ELAVL2: variants seen among roughly 807,000 people sequenced by gnomAD.
The protein encoded by ELAVL2 is ELAV-like protein 2.
ELAVL2 carries 4 observed loss-of-function variants against 34.6 expected under a neutral mutation model. The observed-to-expected ratio is 0.12, with a 90% CI of 0.06 to 0.26. The LOEUF (loss-of-function observed/expected upper bound fraction) is 0.26. Among genes scored for constraint, ELAVL2 ranks in the 10% least tolerant of loss-of-function variants. The pLI is 1.00. For missense variants in ELAVL2, 432 were observed against 442.8 expected, an observed-to-expected ratio of 0.98 and a Z score of 0.22; for synonymous variants, 193 against 154.8, an observed-to-expected ratio of 1.25 and a Z score of -1.83.
chr9:23,750,542 T>C (rs2051690534), intron 2 of ELAVL2, among the ~76,000 whole-genome samples: 1 of 152,086 alleles, frequency 6.6e-6, no homozygotes, highest in Non-Finnish European at 1.5e-5. Flanking sequence ...CACCATATAA[T>C]GGCAAAATCA....
At chr9:23,758,060 C>T (rs769218902) in intron 2 of ELAVL2, among the ~76,000 whole-genome samples, 28 of 152,178 alleles carry the variant, frequency 1.8e-4, no homozygotes, top group Non-Finnish European at 3.5e-4. Flanking sequence ...ACCCAATTAA[C>T]GCACATGCTC....
the ELAVL2 span, among the ~76,000 whole-genome samples, chr9:23,843,460 CAAATTTTGTTCTGA>C: frequency 6.6e-6 from 1 of 152,006 alleles, no homozygotes; most frequent in Non-Finnish European, 1.5e-5. Context: ...GTTTAAGAAA[CAAATTTTGTTCTGA>C]TCACTGGTAC....
intron 3 of ELAVL2, among the ~76,000 whole-genome samples, chr9:23,713,753 A>G (rs2041619395): frequency 6.6e-6 from 1 of 152,212 alleles, no homozygotes; most frequent in Non-Finnish European, 1.5e-5. Flanking sequence ...TATACAAAGC[A>G]GAAGAGAATA....
intron 3 of ELAVL2, among the ~76,000 whole-genome samples, chr9:23,716,856 C>T (rs1473057326): frequency 3.9e-5 from 6 of 152,154 alleles, no homozygotes; most frequent in African/African-American, 1.4e-4. Context: ...AAGAGCCCAG[C>T]TGAGCCAGAA....
At chr9:23,850,237 C>T in the ELAVL2 span, among the ~76,000 whole-genome samples, 2 of 149,752 alleles carry the variant, frequency 1.3e-5, no homozygotes, top group African/African-American at 4.9e-5. Context: ...CCACCACCAC[C>T]CCCCCCGCCC....
chr9:23,740,800 C>G (rs770492824), intron 2 of ELAVL2, among the ~76,000 whole-genome samples: 3 of 152,194 alleles, frequency 2.0e-5, no homozygotes, highest in Non-Finnish European at 4.4e-5. Flanking sequence ...GATTTACATA[C>G]TCCTTTTCCA....
At chr9:23,843,623 A>T in the ELAVL2 span, among the ~76,000 whole-genome samples, 3 of 152,098 alleles carry the variant, frequency 2.0e-5, no homozygotes, top group Non-Finnish European at 4.4e-5. Context: ...TTCCTATTTT[A>T]AAATATTTTC....
intron 2 of ELAVL2, among the ~76,000 whole-genome samples, chr9:23,736,182 A>C (rs1311654783): frequency 6.6e-6 from 1 of 152,188 alleles, no homozygotes; most frequent in African/African-American, 2.4e-5. Context: ...AAGGCAATAG[A>C]CTACCGTAAT....
intron 1 of ELAVL2, among the ~76,000 whole-genome samples, chr9:23,818,891 T>C (rs909876356): frequency 1.3e-5 from 2 of 152,330 alleles, no homozygotes; most frequent in South Asian, 2.1e-4. Context: ...AAGGCTAATT[T>C]GCCACTGTGG....
chr9:23,745,787 A>G (rs1263161091), intron 2 of ELAVL2, among the ~76,000 whole-genome samples: 1 of 152,196 alleles, frequency 6.6e-6, no homozygotes, highest in Non-Finnish European at 1.5e-5. Flanking sequence ...TCAGAGGCAA[A>G]TCTGTTTTAC....
chr9:23,750,031 G>GAAAA (rs10718431), intron 2 of ELAVL2, among the ~76,000 whole-genome samples: 1 of 136,624 alleles, frequency 7.3e-6, no homozygotes. Context: ...CTTAAAAAAG[G>GAAAA]AAAAAAAAAA....
Sources: gnomAD v4.1 joint callset for allele counts (sites outside exome capture counted in the v4.1 genomes callset) on GRCh38, gnomAD v4.1.1 for gene constraint, MANE v1.5 for transcripts, NCBI Gene and HGNC (gene_info 2026-07-23, HGNC 2026-07-21) for gene names.